PCDHA7: variants seen among roughly 807,000 people sequenced by gnomAD.
PCDHA7 encodes the protein protocadherin alpha-7.
In PCDHA7, 37 loss-of-function variants were observed where a neutral mutation model predicts 57.2. That is an observed-to-expected ratio of 0.65 (90% CI 0.50 to 0.85). PCDHA7 has a LOEUF of 0.85. Among genes scored for constraint, PCDHA7 ranks in the 40% least tolerant of loss-of-function variants. PCDHA7 has a pLI of 0.00. For synonymous variants in PCDHA7, 553 were observed against 558.8 expected (o/e 0.99, Z 0.15); for missense variants, 1,188 against 1,241.8 (o/e 0.96, Z 0.65).
At chr5:140,914,023 G>A (rs1434570010) in intron 1 of PCDHA7, among the ~76,000 whole-genome samples, 5 of 152,112 alleles carry the variant, frequency 3.3e-5, no homozygotes, top group African/African-American at 7.2e-5. Context: ...AATGATCCAC[G>A]TGCTGAGAAG....
At chr5:141,009,166 T>C (rs949376056) in intron 3 of PCDHA7, among the ~76,000 whole-genome samples, 98 of 152,230 alleles carry the variant, frequency 6.4e-4, no homozygotes, top group African/African-American at 2.2e-3. Context: ...CTGTAAATAC[T>C]GGCCTTGGCT....
intron 1 of PCDHA7, chr5:140,969,187 G>A (rs1469342094): frequency 1.2e-6 from 2 of 1,614,106 alleles, no homozygotes; most frequent in Non-Finnish European, 8.5e-7. Context: ...ACACTTTCAT[G>A]TTTTACAATA....
chr5:140,900,233 GT>G (rs1261263702), intron 1 of PCDHA7, among the ~76,000 whole-genome samples: 15 of 151,946 alleles, frequency 9.9e-5, no homozygotes, highest in African/African-American at 2.7e-4. Context: ...ACTGGATCTT[GT>G]TTTTTTTATG....
intron 1 of PCDHA7, 163 bp from the exon 2 acceptor site, chr5:140,978,786 G>C (rs2096822943): frequency 1.4e-5 from 14 of 972,674 alleles, no homozygotes; most frequent in Non-Finnish European, 1.3e-5. Context: ...CTTCTAAAGT[G>C]CTATATATGT....
intron 1 of PCDHA7, among the ~76,000 whole-genome samples, chr5:140,963,630 C>T (rs1370293911): frequency 3.3e-5 from 5 of 152,140 alleles, no homozygotes; most frequent in African/African-American, 1.2e-4. Flanking sequence ...TTGTTGCATA[C>T]GCATCTTCCC....
chr5:140,874,167 T>C lies in PCDHA7; in HGVS notation c.2355+37429T>C, dbSNP rs910574514. On this transcript the variant is annotated intron_variant, in intron 1 of 3. Coordinates refer to ENST00000525929, the MANE Select transcript of PCDHA7 (RefSeq NM_018910.3). ...TGTAGAGCCATTCTTGGTTACTCTTTCCTGGTGTTGTAAAGGTGTCATATT... is the reference window on the plus strand; with the variant it reads ...TGTAGAGCCATTCTTGGTTACTCTTCCCTGGTGTTGTAAAGGTGTCATATT... 4.6e-5 allele frequency among the ~76,000 whole-genome samples: 7 copies of C among 152,340 alleles called. No homozygotes were observed. The East Asian group carries it at 1.2e-3, about 25-fold the overall frequency.
At chr5:140,961,248 G>A (rs144956279) in intron 1 of PCDHA7, among the ~76,000 whole-genome samples, 129 of 152,276 alleles carry the variant, frequency 8.5e-4, no homozygotes, top group African/African-American at 1.8e-3. Flanking sequence ...GAATTTATCC[G>A]AAGCTCCAGG....
intron 1 of PCDHA7, chr5:140,841,734 A>G: frequency 2.5e-6 from 4 of 1,613,870 alleles, no homozygotes; most frequent in Non-Finnish European, 3.4e-6. Context: ...GTAAAAGACC[A>G]AAAGCTGTTT....
At chr5:140,877,488 C>T (rs781785108) in intron 1 of PCDHA7, 9 of 1,613,736 alleles carry the variant, frequency 5.6e-6, no homozygotes, top group Admixed American at 5.0e-5. Flanking sequence ...TGGTGGAGAA[C>T]GGCCAGGCCC....
chr5:140,969,310 T>C, intron 1 of PCDHA7: 2 of 1,614,198 alleles, frequency 1.2e-6, no homozygotes, highest in East Asian at 2.2e-5. Context: ...TTCTCAAAAA[T>C]GAGGCTGTTT....
chr5:141,011,084 C>A lies in PCDHA7; in HGVS notation c.*1147C>A, dbSNP rs928216799. Reference sequence around the variant, plus strand: ...CATGTATTACTAAATAAAATGATCTCTCTTTCTCTCTCTCTCTCTCTTTTC... The same window carrying A: ...CATGTATTACTAAATAAAATGATCTATCTTTCTCTCTCTCTCTCTCTTTTC... On this transcript the variant is annotated 3_prime_UTR_variant, in exon 4 of 4. Transcript: ENST00000525929. 1.3e-5 allele frequency: 2 copies of A among 153,722 alleles called. No individual in the cohort carries two copies. The highest frequency in any genetic ancestry group is 2.9e-5 in the Non-Finnish European group (2 of 68,048). The allele number at this position is 153,722 out of a possible 1,614,324, so 9.5% of individuals were successfully genotyped here.
intron 1 of PCDHA7, among the ~76,000 whole-genome samples, chr5:140,888,380 A>G (rs1348796416): frequency 6.6e-6 from 1 of 152,192 alleles, no homozygotes; most frequent in East Asian, 1.9e-4. Context: ...GAGCTCTGAG[A>G]TGCTGCTAAA....
intron 1 of PCDHA7, chr5:140,868,902 T>G (rs2050730920): frequency 1.2e-6 from 1 of 837,896 alleles, no homozygotes; most frequent in African/African-American, 1.7e-5. Context: ...AAGGTGTCGC[T>G]CTTTACTTGG....
chr5:140,876,250 A>T, intron 1 of PCDHA7: 1 of 1,614,046 alleles, frequency 6.2e-7, no homozygotes, highest in South Asian at 1.1e-5. Flanking sequence ...AAACGACACA[A>T]GAGTGATCCA....
chr5:140,870,443 T>G (rs1207012137), intron 1 of PCDHA7: 1 of 1,614,094 alleles, frequency 6.2e-7, no homozygotes, highest in Non-Finnish European at 8.5e-7. Flanking sequence ...GTGGCCGACG[T>G]GAACGACAAT....
chr5:140,988,403 C>T (rs1054317981), intron 3 of PCDHA7, among the ~76,000 whole-genome samples: 3 of 152,036 alleles, frequency 2.0e-5, no homozygotes, highest in African/African-American at 4.8e-5. Context: ...GAGTTCTCTT[C>T]GCAGCTTATG....
chr5:140,856,716 G>T (rs1482820775), intron 1 of PCDHA7: 1 of 1,596,628 alleles, frequency 6.3e-7, no homozygotes, highest in Admixed American at 1.7e-5. Context: ...GAATTTACCG[G>T]ATCTGTTTCT....
intron 1 of PCDHA7, among the ~76,000 whole-genome samples, chr5:140,923,323 C>T (rs1554201408): frequency 6.6e-6 from 1 of 152,092 alleles, no homozygotes; most frequent in Non-Finnish European, 1.5e-5. Context: ...CCTAGAAGTT[C>T]AAGGACAGTT....
chr5:140,873,875 G>T (rs977504739), intron 1 of PCDHA7, among the ~76,000 whole-genome samples: 2 of 152,104 alleles, frequency 1.3e-5, no homozygotes, highest in African/African-American at 4.8e-5. Context: ...TGGCCAGGCT[G>T]GTCTTGAACT....
Sources: gnomAD v4.1 joint callset for allele counts (sites outside exome capture counted in the v4.1 genomes callset) on GRCh38, gnomAD v4.1.1 for gene constraint, MANE v1.5 for transcripts, NCBI Gene and HGNC (gene_info 2026-07-23, HGNC 2026-07-21) for gene names.